Variants in STXBP5 observed in about 807,000 individuals in gnomAD.
The protein encoded by STXBP5 is syntaxin-binding protein 5.
A neutral mutation model predicts 152.4 loss-of-function variants in STXBP5; 50 were observed. That is an observed-to-expected ratio of 0.33 (90% CI 0.26 to 0.42). STXBP5 has a LOEUF of 0.42. Ranked by LOEUF, STXBP5 falls within the 10% of genes least tolerant of loss-of-function variation. The probability of loss-of-function intolerance (pLI) is 1.00; values close to 1 mark genes in which losing one functional copy is unlikely to be tolerated. For synonymous variants in STXBP5, 492 were observed against 494.7 expected, an observed-to-expected ratio of 0.99 and a Z score of 0.07; for missense variants, 1,167 against 1,388.6, an observed-to-expected ratio of 0.84 and a Z score of 2.54.
chr6:147,230,288 G>A (rs574387795), intron 2 of STXBP5, among the ~76,000 whole-genome samples: 1 of 151,764 alleles, frequency 6.6e-6, no homozygotes, highest in Non-Finnish European at 1.5e-5. Flanking sequence ...GGAGATATTC[G>A]TAAGGAGGTT....
chr6:147,278,249 G>A, intron 8 of STXBP5, 45 bp downstream of exon 8: 2 of 1,489,448 alleles, frequency 1.3e-6, no homozygotes, highest in South Asian at 1.4e-5. Context: ...GTAACGTACA[G>A]TAAACTGTTT....
intron 4 of STXBP5, among the ~76,000 whole-genome samples, chr6:147,255,687 A>G (rs989994378): frequency 2.6e-5 from 4 of 151,926 alleles, no homozygotes; most frequent in African/African-American, 4.8e-5. Context: ...CAGGCTATAC[A>G]TTTCTTGTAG....
intron 2 of STXBP5, among the ~76,000 whole-genome samples, chr6:147,218,640 C>G (rs78530749): frequency 0.024 from 3,677 of 152,178 alleles, 109 homozygotes; most frequent in African/African-American, 0.081. Flanking sequence ...ACCATCACAC[C>G]CAACTAATTT....
At chr6:147,249,833 T>C (rs1225665687) in intron 4 of STXBP5, among the ~76,000 whole-genome samples, 1 of 152,186 alleles carries the variant, frequency 6.6e-6, no homozygotes, top group East Asian at 1.9e-4. Flanking sequence ...GAGGGCCCTT[T>C]TTAAGAGATT....
chr6:147,235,890 C>T (rs1336398284), intron 3 of STXBP5, among the ~76,000 whole-genome samples: 2 of 152,050 alleles, frequency 1.3e-5, no homozygotes, highest in African/African-American at 4.8e-5. Flanking sequence ...ATTTTAAGAG[C>T]ATACGAGCAG....
At chr6:147,261,952 A>G (rs1187742514) in intron 5 of STXBP5, among the ~76,000 whole-genome samples, 1 of 151,946 alleles carries the variant, frequency 6.6e-6, no homozygotes, top group Non-Finnish European at 1.5e-5. Flanking sequence ...TCAGTAAAAT[A>G]AGATAGGTGC....
intron 21 of STXBP5, among the ~76,000 whole-genome samples, chr6:147,349,622 A>G (rs1582981366): frequency 6.6e-6 from 1 of 152,308 alleles, no homozygotes; most frequent in Non-Finnish European, 1.5e-5. Context: ...CCAGACTGAG[A>G]TAGGGTATAA....
intron 21 of STXBP5, among the ~76,000 whole-genome samples, chr6:147,345,476 A>G (rs886688498): frequency 2.6e-5 from 4 of 152,166 alleles, no homozygotes; most frequent in African/African-American, 9.6e-5. Flanking sequence ...GTTTTATTTA[A>G]CACAAATACA....
At chr6:147,267,031 T>C in intron 6 of STXBP5, 53 bp from the exon 7 acceptor site, 1 of 1,407,336 alleles carries the variant, frequency 7.1e-7, no homozygotes, top group African/African-American at 1.4e-5. Context: ...AGCAAATAAA[T>C]GTTTTATAAT....
intron 21 of STXBP5, among the ~76,000 whole-genome samples, chr6:147,343,108 A>G (rs1784165113): frequency 6.6e-6 from 1 of 152,162 alleles, no homozygotes; most frequent in Non-Finnish European, 1.5e-5. Flanking sequence ...GAAAACAAGT[A>G]GAAATAATAG....
chr6:147,262,805 T>G (rs1033772449), intron 6 of STXBP5, among the ~76,000 whole-genome samples: 1 of 130,888 alleles, frequency 7.6e-6, no homozygotes, highest in African/African-American at 3.4e-5. Context: ...TAATGTAGAG[T>G]TTTTTTTAAT....
chr6:147,328,052 A>G (rs1041093906), intron 18 of STXBP5, among the ~76,000 whole-genome samples: 1 of 152,232 alleles, frequency 6.6e-6, no homozygotes, highest in African/African-American at 2.4e-5. Context: ...CTCATTGAGA[A>G]TTCTCTTTAT....
intron 4 of STXBP5, among the ~76,000 whole-genome samples, chr6:147,251,833 C>T (rs895889877): frequency 2.0e-5 from 3 of 151,908 alleles, no homozygotes; most frequent in African/African-American, 7.2e-5. Context: ...ACACCTCATA[C>T]AGGAGAGCTT....
intron 4 of STXBP5, among the ~76,000 whole-genome samples, chr6:147,251,427 G>A (rs1779092094): frequency 6.6e-6 from 1 of 152,082 alleles, no homozygotes; most frequent in Admixed American, 6.6e-5. Context: ...CACCTGGAAT[G>A]CCAGCAAGAC....
intron 3 of STXBP5, 132 bp from the exon 4 acceptor site, chr6:147,239,038 A>G (rs1377581773): frequency 1.1e-5 from 8 of 717,540 alleles, no homozygotes; most frequent in Non-Finnish European, 1.8e-5. Context: ...AATGAGGCAA[A>G]TGTTTCTTAG....
chr6:147,234,680 C>A (rs116522499), intron 2 of STXBP5, among the ~76,000 whole-genome samples: 1 of 151,792 alleles, frequency 6.6e-6, no homozygotes, highest in African/African-American at 2.4e-5. Flanking sequence ...AGTATCCATG[C>A]CTGTAGTAAA....
At chr6:147,354,310 G>A (rs1784720522) in intron 22 of STXBP5, among the ~76,000 whole-genome samples, 1 of 152,042 alleles carries the variant, frequency 6.6e-6, no homozygotes, top group African/African-American at 2.4e-5. Context: ...TGAGTGAGTA[G>A]GCATACAATA....
At chr6:147,331,595 T>C (rs1003909059) in intron 18 of STXBP5, among the ~76,000 whole-genome samples, 2 of 152,136 alleles carry the variant, frequency 1.3e-5, no homozygotes, top group African/African-American at 4.8e-5. Flanking sequence ...GAGTGAACAT[T>C]GCTGGCATTC....
chr6:147,356,030 CTG>C (rs1367533991), intron 22 of STXBP5, among the ~76,000 whole-genome samples: 1 of 152,062 alleles, frequency 6.6e-6, no homozygotes, highest in African/African-American at 2.4e-5. Context: ...TCAAACTTGA[CTG>C]TTATTCAGGC....
Sources: allele counts gnomAD v4.1 joint callset (sites outside exome capture counted in the v4.1 genomes callset), GRCh38; gene constraint gnomAD v4.1.1; transcripts MANE v1.5; gene names NCBI Gene and HGNC (gene_info 2026-07-23, HGNC 2026-07-21).